S100Z: variants seen among roughly 807,000 people sequenced by gnomAD.
S100Z encodes protein S100-Z.
A neutral mutation model predicts 8.5 loss-of-function variants in S100Z; 11 were observed. The ratio of observed to expected loss-of-function variants is 1.30; its 90% CI spans 0.82 to 2.15. The LOEUF (loss-of-function observed/expected upper bound fraction) is 2.15. Ranked by LOEUF, S100Z falls within the 30% of genes most tolerant of loss-of-function variation. S100Z has a pLI of 0.00. For synonymous variants in S100Z, 34 were observed against 43.8 expected, an observed-to-expected ratio of 0.78 and a Z score of 0.89; for missense variants, 126 against 117.9, an observed-to-expected ratio of 1.07 and a Z score of -0.32.
chr5:76,945,945 C>G, the S100Z span, among the ~76,000 whole-genome samples: 2 of 152,172 alleles, frequency 1.3e-5, no homozygotes, highest in African/African-American at 4.8e-5. Context: ...GCAGGCCACC[C>G]CTTCAGGAAT....
chr5:76,932,112 T>A, the S100Z span, among the ~76,000 whole-genome samples: 1 of 152,190 alleles, frequency 6.6e-6, no homozygotes, highest in Non-Finnish European at 1.5e-5. Flanking sequence ...TCTTTCAAAA[T>A]CATAGGTTGT....
chr5:76,864,386 ATTTTTTTTTTTTTTTT>A (rs56206322), intron 1 of S100Z, among the ~76,000 whole-genome samples: 25 of 72,132 alleles, frequency 3.5e-4, no homozygotes, highest in East Asian at 9.4e-4. Flanking sequence ...TGCATACTAT[ATTTTTTTTTTTTTTTT>A]TTTTTTTTTT....
chr5:76,871,932 C>T (rs1419004011), intron 2 of S100Z, among the ~76,000 whole-genome samples: 1 of 152,184 alleles, frequency 6.6e-6, no homozygotes, highest in East Asian at 1.9e-4. Context: ...TCGCCTATAA[C>T]TTAACATATA....
At chr5:76,903,117 G>A (rs1744293350) in intron 4 of S100Z, among the ~76,000 whole-genome samples, 1 of 152,192 alleles carries the variant, frequency 6.6e-6, no homozygotes, top group Non-Finnish European at 1.5e-5. Flanking sequence ...AACCCAGGAG[G>A]CAGAGGTTGC....
At chr5:76,884,936 C>T (rs1008031702) in intron 4 of S100Z, among the ~76,000 whole-genome samples, 1 of 152,074 alleles carries the variant, frequency 6.6e-6, no homozygotes, top group Admixed American at 6.6e-5. Flanking sequence ...TGGGACGAGT[C>T]TCACTGGGAG....
intron 4 of S100Z, among the ~76,000 whole-genome samples, chr5:76,908,961 C>A (rs571790586): frequency 6.6e-6 from 1 of 152,134 alleles, no homozygotes; most frequent in Non-Finnish European, 1.5e-5. Context: ...TTTGAGAATG[C>A]ATCAGTAAGG....
At chr5:76,863,912 T>A (rs1751171748) in intron 1 of S100Z, among the ~76,000 whole-genome samples, 1 of 152,234 alleles carries the variant, frequency 6.6e-6, no homozygotes, top group East Asian at 1.9e-4. Flanking sequence ...CCTTATAAAC[T>A]GGAAACTTAA....
chr5:76,886,660 G>A (rs927374900), intron 4 of S100Z, among the ~76,000 whole-genome samples: 3 of 152,122 alleles, frequency 2.0e-5, no homozygotes, highest in African/African-American at 7.2e-5. Context: ...ATATTACCTG[G>A]GTGCAGGTGG....
chr5:76,932,722 A>G, the S100Z span, among the ~76,000 whole-genome samples: 1 of 152,224 alleles, frequency 6.6e-6, no homozygotes, highest in Non-Finnish European at 1.5e-5. Context: ...CTTCCCATCC[A>G]CAGATGAATG....
rs563930011 is a variant in S100Z at position 76,860,292 on chromosome 5, C to T, written c.-175-9874C>T. On this transcript the variant is annotated intron_variant, in intron 1 of 4. Transcript: ENST00000317593. ...GTAGCCAGTATAGATGCTACATCGA[C>T]TCCAGCAACTTTCACCTCATCTGTG... Among the ~76,000 whole-genome samples the T allele has an allele frequency of 1.1e-4, 16 of 152,296 alleles. No homozygotes were observed. The South Asian group carries it at 3.3e-3, about 32-fold the overall frequency.
At chr5:76,869,255 C>T (rs891021431) in intron 1 of S100Z, among the ~76,000 whole-genome samples, 3 of 151,672 alleles carry the variant, frequency 2.0e-5, no homozygotes, top group South Asian at 2.1e-4. Flanking sequence ...CAAAAAAAAA[C>T]GTGATGTTGG....
At chr5:76,912,205 G>A (rs914202034) in intron 4 of S100Z, among the ~76,000 whole-genome samples, 10 of 152,098 alleles carry the variant, frequency 6.6e-5, no homozygotes, top group South Asian at 4.2e-4. Flanking sequence ...TCAGACATCC[G>A]CCTACTTAGA....
intron 4 of S100Z, among the ~76,000 whole-genome samples, chr5:76,898,933 CTTTTT>C (rs56287065): frequency 9.1e-6 from 1 of 109,958 alleles, no homozygotes; most frequent in South Asian, 3.1e-4. Context: ...CTTTTCTTTT[CTTTTT>C]TTTTTTTTTT....
At chr5:76,939,085 T>C in the S100Z span, among the ~76,000 whole-genome samples, 1 of 152,206 alleles carries the variant, frequency 6.6e-6, no homozygotes, top group Admixed American at 6.5e-5. Flanking sequence ...TATTATTCTT[T>C]GACTGCTCTG....
chr5:76,900,739 T>C (rs1350833098), intron 4 of S100Z, among the ~76,000 whole-genome samples: 2 of 152,104 alleles, frequency 1.3e-5, no homozygotes, highest in Middle Eastern at 3.4e-3. Context: ...TGGTGACTTA[T>C]TTAGTTCATT....
intron 4 of S100Z, among the ~76,000 whole-genome samples, chr5:76,914,470 A>T (rs768125819): frequency 5.2e-4 from 79 of 151,370 alleles, no homozygotes; most frequent in Non-Finnish European, 9.3e-4. Context: ...AGGGAATAAA[A>T]GCTGGCCACC....
At chr5:76,931,659 C>T in the S100Z span, among the ~76,000 whole-genome samples, 1 of 152,134 alleles carries the variant, frequency 6.6e-6, no homozygotes, top group African/African-American at 2.4e-5. Flanking sequence ...ATAGAAAAGA[C>T]CAGATGGATA....
rs141400274 is a variant in S100Z, at chr5:76,875,313, C to T, written c.-47C>T. ...GTTTATTCTGAACAAGTGTCTTCTCCCCGGGTTTGGTGGCCTGCTTCTGGA... is the reference window on the plus strand; with the variant it reads ...GTTTATTCTGAACAAGTGTCTTCTCTCCGGGTTTGGTGGCCTGCTTCTGGA... On this transcript the variant is annotated 5_prime_UTR_variant, in exon 3 of 5. Coordinates refer to ENST00000317593, the MANE Select transcript of S100Z (RefSeq NM_130772.4). 4.0e-5 allele frequency: 63 copies of T among 1,564,950 alleles called. No individual in the cohort carries two copies. The African/African-American group carries it at 6.7e-4, about 17-fold the overall frequency.
chr5:76,895,570 G>T (rs573662939), intron 4 of S100Z, among the ~76,000 whole-genome samples: 1 of 151,822 alleles, frequency 6.6e-6, no homozygotes, highest in African/African-American at 2.4e-5. Context: ...TTTTTTGTGG[G>T]TATATAGTAG....
Sources: allele counts gnomAD v4.1 joint callset (sites outside exome capture counted in the v4.1 genomes callset), GRCh38; gene constraint gnomAD v4.1.1; transcripts MANE v1.5; gene names NCBI Gene and HGNC (gene_info 2026-07-23, HGNC 2026-07-21).